The following UPB1 variants were observed in gnomAD, a reference collection of about 807,000 sequenced individuals.
UPB1 encodes the protein beta-ureidopropionase.
UPB1 carries 40 observed loss-of-function variants against 49.1 expected under a neutral mutation model. The observed-to-expected ratio is 0.81, with a 90% CI of 0.63 to 1.06. The LOEUF is 1.06. Among genes scored for constraint, UPB1 ranks in the 50% least tolerant of loss-of-function variants. The probability of loss-of-function intolerance (pLI) is 0.00; values close to 1 mark genes in which losing one functional copy is unlikely to be tolerated. For missense variants in UPB1, 499 were observed against 505.9 expected, an observed-to-expected ratio of 0.99 and a Z score of 0.13; for synonymous variants, 207 against 198.2, an observed-to-expected ratio of 1.04 and a Z score of -0.38.
intron 4 of UPB1, among the ~76,000 whole-genome samples, chr22:24,511,852 G>A (rs1265353548): frequency 1.3e-5 from 2 of 151,886 alleles, no homozygotes; most frequent in Non-Finnish European, 2.9e-5. Context: ...TCCTGACCTC[G>A]TGATCCGCCA....
Position 24,523,713 on chromosome 22 carries a change from G to A in UPB1, c.1011G>A (p.Leu337=), listed in dbSNP as rs2044436287. 1.2e-6 allele frequency: 2 copies of A among 1,614,158 alleles called. No homozygotes were observed. The highest frequency in any genetic ancestry group is 2.7e-5 in the African/African-American group (2 of 74,956). Residue 337 remains leucine (L), a synonymous_variant, in exon 9 of 10, where the codon CTG becomes CTA. Transcript: ENST00000326010. ...GGCTGTCCCGTAGCCGGGATGGACTGCTAGTTGCTAAGCTCGACCTAAACC... is the reference window on the plus strand; with the variant it reads ...GGCTGTCCCGTAGCCGGGATGGACTACTAGTTGCTAAGCTCGACCTAAACC... The part of the protein sequence containing the change: ...TPGLSRSRDG[L]LVAKLDLNLC...
chr22:24,510,966 C>A, intron 4 of UPB1, 123 bp downstream of exon 4: 1 of 1,009,582 alleles, frequency 9.9e-7, no homozygotes, highest in Non-Finnish European at 1.5e-6. Flanking sequence ...CTTGTTTTGC[C>A]AGATAAGATT....
intron 9 of UPB1, among the ~76,000 whole-genome samples, chr22:24,525,435 C>T (rs1295731987): frequency 1.3e-5 from 2 of 152,168 alleles, no homozygotes; most frequent in African/African-American, 4.8e-5. Context: ...AACAGGACCA[C>T]GGGACTCCCC....
At chr22:24,513,511 C>A in intron 5 of UPB1, 26 bp downstream of exon 5, 4 of 1,609,250 alleles carry the variant, frequency 2.5e-6, no homozygotes, top group Non-Finnish European at 2.5e-6. Flanking sequence ...GATAGATAAC[C>A]AGCCCTGCTC....
rs142434850 is a variant in UPB1, at chr22:24,508,540, C to T, written c.365-2209C>T. Among the ~76,000 whole-genome samples, 1,337 of 149,318 alleles carry T rather than the reference C, an allele frequency of 9.0e-3. 26 individuals carry two copies. The highest frequency in any genetic ancestry group is 0.032 in the African/African-American group (1,279 of 40,504). The stretch of plus-strand genomic sequence containing the variant: ...TGCCACTGCACTCCAGCCTGGGCAA[C>T]GAGAGCGAGACTCCGTCTCAAAAAA... On this transcript the variant is annotated intron_variant, in intron 3 of 9. Coordinates refer to ENST00000326010, the MANE Select transcript of UPB1 (RefSeq NM_016327.3).
intron 6 of UPB1, among the ~76,000 whole-genome samples, chr22:24,517,551 G>A (rs915458193): frequency 2.6e-5 from 4 of 152,210 alleles, no homozygotes; most frequent in Non-Finnish European, 5.9e-5. Context: ...ATGGCTCCTC[G>A]CCTTGTGTGT....
chr22:24,510,995 C>T, intron 4 of UPB1, 152 bp downstream of exon 4: 1 of 662,372 alleles, frequency 1.5e-6, no homozygotes, highest in Non-Finnish European at 2.7e-6. Context: ...CTATCTGCCA[C>T]TTTTTTTTTT....
chr22:24,518,828 T>C (rs974768210), intron 6 of UPB1, among the ~76,000 whole-genome samples: 6 of 152,220 alleles, frequency 3.9e-5, no homozygotes, highest in African/African-American at 1.4e-4. Flanking sequence ...CCTATCCTCT[T>C]GCTGCATCTT....
In UPB1 at chr22:24,495,338, C is replaced by CT; in HGVS notation, c.-65dup. ...AGGGCGCCTGACCGGGCCTGGGCAC[C>CT]TCCTCCCACTGCGGGCAAAGGGCAG... On this transcript the variant is annotated 5_prime_UTR_variant, in exon 1 of 10. Coordinates refer to ENST00000326010, the MANE Select transcript of UPB1 (RefSeq NM_016327.3). 3.2e-6 allele frequency: 5 copies of CT among 1,568,362 alleles called. No homozygotes were observed. The highest frequency in any genetic ancestry group is 2.6e-6 in the Non-Finnish European group (3 of 1,146,002).
intron 4 of UPB1, among the ~76,000 whole-genome samples, chr22:24,512,577 C>T (rs904497998): frequency 1.3e-5 from 2 of 151,872 alleles, no homozygotes; most frequent in African/African-American, 4.8e-5. Context: ...CTATTTTAAC[C>T]ACTTTTAAGT....
Position 24,500,100 on chromosome 22 carries a change from C to T in UPB1, c.105-7C>T. On this transcript the variant is annotated splice_polypyrimidine_tract_variant and splice_region_variant and intron_variant, in intron 1 of 9. Coordinates refer to ENST00000326010, the MANE Select transcript of UPB1 (RefSeq NM_016327.3). ...ATCCCCTTCCCTCTTTTTTCCTGCC[C>T]ATCTAGGAAGCTTGATCTGCCCAGG... 6.2e-7 allele frequency: 1 copy of T among 1,614,024 alleles called. No individual in the cohort carries two copies. Among genetic ancestry groups the T allele is most frequent in the Non-Finnish European group, 8.5e-7 (1 of 1,180,006 alleles).
In UPB1 at chr22:24,526,859, T is replaced by G. The variant is rs1169538482; in HGVS notation, c.*1065T>G. ...TCAGTTTGTGCCCAGAGTTCCAGCCTGCCCTTTCTGATGGCTTGTCCTGTG... is the reference window on the plus strand; with the variant it reads ...TCAGTTTGTGCCCAGAGTTCCAGCCGGCCCTTTCTGATGGCTTGTCCTGTG... On this transcript the variant is annotated 3_prime_UTR_variant, in exon 10 of 10. Transcript: ENST00000326010. 1 of 152,244 alleles carries G rather than the reference T, an allele frequency of 6.6e-6. No individual in the cohort carries two copies. The highest frequency in any genetic ancestry group is 1.5e-5 in the Non-Finnish European group (1 of 68,036). 9.4% of individuals were successfully genotyped at this position (152,244 alleles called of 1,614,324 possible).
chr22:24,520,675 T>G (rs564681016), intron 7 of UPB1, among the ~76,000 whole-genome samples: 71 of 152,364 alleles, frequency 4.7e-4, no homozygotes, highest in African/African-American at 1.6e-3. Context: ...ATCTTTGACA[T>G]GGCAGTTCTC....
At chr22:24,496,276 C>T (rs1378260606) in intron 1 of UPB1, among the ~76,000 whole-genome samples, 3 of 151,802 alleles carry the variant, frequency 2.0e-5, no homozygotes, top group Non-Finnish European at 2.9e-5. Flanking sequence ...CAGGCTGAGG[C>T]GGGAGGATCA....
chr22:24,515,467 CAGCCACCAGGATGTTAACAGAGCTG>C (rs1181797863), intron 6 of UPB1, 97 bp downstream of exon 6: 137 of 1,537,392 alleles, frequency 8.9e-5, no homozygotes, highest in Non-Finnish European at 1.1e-4. Flanking sequence ...CAGGCAGGCG[CAGCCACCAGGATGTTAACAGAGCTG>C]AGCCCCCAGG....
intron 3 of UPB1, 195 bp downstream of exon 3, chr22:24,502,408 G>C: frequency 1.3e-6 from 1 of 788,810 alleles, no homozygotes; most frequent in Non-Finnish European, 2.4e-6. Context: ...GATTCCTTCA[G>C]TTTTCCCACA....
chr22:24,515,234 C>T lies in UPB1; in HGVS notation c.655C>T (p.Pro219Ser). The T allele has an allele frequency of 3.7e-6, 6 of 1,614,184 alleles. No individual in the cohort carries two copies. The East Asian group carries it at 1.1e-4, about 30-fold the overall frequency. Residue 219 changes from proline (P) to serine (S), a missense_variant, in exon 6 of 10, where the codon CCC becomes TCC. Pro to Ser is a moderately conservative substitution (Grantham distance 74, BLOSUM62 -1). Coordinates refer to ENST00000326010, the MANE Select transcript of UPB1 (RefSeq NM_016327.3). Reference protein sequence around the residue: ...TYYMEGNLGHPVFQTQFGRIA... With the variant: ...TYYMEGNLGHSVFQTQFGRIA... ...CTACATGGAGGGAAACCTGGGCCAC[C>T]CCGTGTTCCAGACGCAGTTCGGAAG...
chr22:24,513,307 A>G lies in UPB1; in HGVS notation c.460-17A>G. 6.2e-7 allele frequency: 1 copy of G among 1,614,140 alleles called. No individual in the cohort carries two copies. ...TGGTTTATAAGTGGGACTCTGCCATATTTATCATTTTTCCAGCTGGCGAAG... is the reference window on the plus strand; with the variant it reads ...TGGTTTATAAGTGGGACTCTGCCATGTTTATCATTTTTCCAGCTGGCGAAG... On this transcript the variant is annotated splice_polypyrimidine_tract_variant and intron_variant, in intron 4 of 9. Coordinates refer to ENST00000326010, the MANE Select transcript of UPB1 (RefSeq NM_016327.3).
chr22:24,498,919 G>GT, intron 1 of UPB1, among the ~76,000 whole-genome samples: 1 of 152,308 alleles, frequency 6.6e-6, no homozygotes, highest in Middle Eastern at 3.4e-3. Context: ...GGAAAGCTGC[G>GT]TGATTTATGT....
Sources: gnomAD v4.1 joint callset for allele counts (sites outside exome capture counted in the v4.1 genomes callset) on GRCh38, gnomAD v4.1.1 for gene constraint, MANE v1.5 for transcripts, NCBI Gene and HGNC (gene_info 2026-07-23, HGNC 2026-07-21) for gene names.